ULK4: variants seen among roughly 807,000 people sequenced by gnomAD.
ULK4 encodes the protein inactive serine/threonine-protein kinase ULK4.
A neutral mutation model predicts 160.6 loss-of-function variants in ULK4; 133 were observed. The ratio of observed to expected loss-of-function variants is 0.83; its 90% CI spans 0.72 to 0.96. The LOEUF (loss-of-function observed/expected upper bound fraction) is 0.96, where lower values mean the gene tolerates loss of function less well. Ranked by LOEUF, ULK4 falls within the 40% of genes least tolerant of loss-of-function variation. The pLI is 0.00. For synonymous variants in ULK4, 534 were observed against 539.8 expected (o/e 0.99, Z 0.15); for missense variants, 1,580 against 1,499.5 (o/e 1.05, Z -0.89).
rs190300032 is a variant in ULK4 at position 41,389,562 on chromosome 3, C to T, written c.3678+8517G>A. 5.9e-5 allele frequency among the ~76,000 whole-genome samples: 9 copies of T among 152,170 alleles called. No individual in the cohort carries two copies. The East Asian group carries it at 1.4e-3, about 23-fold the overall frequency. On this transcript the variant is annotated intron_variant, in intron 35 of 36. Coordinates refer to ENST00000301831, the MANE Select transcript of ULK4 (RefSeq NM_017886.4). Reference sequence around the variant, plus strand: ...ATATGTCCCATCAATACCTAATTTACTGAGAGTTATTAGCATGAAGGGTTG... The same window carrying T: ...ATATGTCCCATCAATACCTAATTTATTGAGAGTTATTAGCATGAAGGGTTG...
intron 30 of ULK4, among the ~76,000 whole-genome samples, chr3:41,656,644 G>C (rs1297569164): frequency 6.6e-6 from 1 of 152,150 alleles, no homozygotes. Flanking sequence ...ACAGGTGACT[G>C]TATGGCCAGA....
At chr3:41,438,639 T>C (rs1392832872) in intron 34 of ULK4, among the ~76,000 whole-genome samples, 2 of 151,706 alleles carry the variant, frequency 1.3e-5, no homozygotes, top group Non-Finnish European at 2.9e-5. Context: ...CAAGACCTCA[T>C]CTCTACAAAA....
chr3:41,571,074 C>T (rs1025366589), intron 31 of ULK4, among the ~76,000 whole-genome samples: 1 of 152,200 alleles, frequency 6.6e-6, no homozygotes, highest in Non-Finnish European at 1.5e-5. Context: ...ACACTGTTTT[C>T]TTTATTGTCT....
At chr3:41,808,769 A>AT (rs1292980630) in intron 19 of ULK4, among the ~76,000 whole-genome samples, 4 of 151,966 alleles carry the variant, frequency 2.6e-5, no homozygotes, top group South Asian at 2.1e-4. Flanking sequence ...CTTGCCTCTC[A>AT]TTTTTTTTGT....
chr3:41,418,346 G>T (rs193066192), intron 34 of ULK4, among the ~76,000 whole-genome samples: 1 of 146,296 alleles, frequency 6.8e-6, no homozygotes, highest in Non-Finnish European at 1.5e-5. Context: ...ATTTGGCGGG[G>T]GGGGGGGCAC....
chr3:41,513,211 G>C (rs765559786), intron 32 of ULK4, among the ~76,000 whole-genome samples: 1 of 152,102 alleles, frequency 6.6e-6, no homozygotes, highest in Non-Finnish European at 1.5e-5. Context: ...GATAACACCA[G>C]AAAAAACCCT....
Position 41,935,818 on chromosome 3 carries a change from C to A in ULK4, c.361G>T (p.Asp121Tyr), listed in dbSNP as rs778563812. 3.1e-6 allele frequency: 5 copies of A among 1,610,716 alleles called. No individual in the cohort carries two copies. The highest frequency in any genetic ancestry group is 4.2e-6 in the Non-Finnish European group (5 of 1,178,870). ...TGAATTACCTTCCTAGGAGAAATGT[C>A]ACAAAAGAGAATGCCAAGTTTATGA... The part of the protein sequence containing the change: ...HLHKLGILFC[D>Y]ISPRKILLEG... Residue 121 changes from aspartate (D) to tyrosine (Y), a missense_variant, in exon 4 of 37, where the codon GAC becomes TAC. Physicochemically the swap from Asp to Tyr is radical, Grantham distance 160. Coordinates refer to ENST00000301831, the MANE Select transcript of ULK4 (RefSeq NM_017886.4).
chr3:41,547,380 T>A (rs2086899292), intron 32 of ULK4, among the ~76,000 whole-genome samples: 1 of 152,046 alleles, frequency 6.6e-6, no homozygotes, highest in African/African-American at 2.4e-5. Flanking sequence ...ACAGGGAACA[T>A]CTGAGGCACA....
chr3:41,657,454 A>G (rs1436600867), intron 30 of ULK4, among the ~76,000 whole-genome samples: 2 of 152,160 alleles, frequency 1.3e-5, no homozygotes, highest in South Asian at 2.1e-4. Flanking sequence ...CAAATGGTTC[A>G]TGGTTATTTT....
intron 35 of ULK4, among the ~76,000 whole-genome samples, chr3:41,371,180 G>A (rs2081358444): frequency 6.6e-6 from 1 of 152,172 alleles, no homozygotes; most frequent in African/African-American, 2.4e-5. Context: ...ATCTCCCTAG[G>A]ACAGAGCAAC....
At chr3:41,748,413 G>C (rs987077755) in intron 22 of ULK4, among the ~76,000 whole-genome samples, 4 of 151,796 alleles carry the variant, frequency 2.6e-5, no homozygotes, top group Non-Finnish European at 5.9e-5. Flanking sequence ...ATGGGATTTT[G>C]GTCAGTAAAA....
chr3:41,901,045 ACT>A (rs1410535848), intron 12 of ULK4, among the ~76,000 whole-genome samples: 1 of 151,972 alleles, frequency 6.6e-6, no homozygotes, highest in African/African-American at 2.4e-5. Context: ...AAAATATAAA[ACT>A]CTGAGAAAGT....
Position 41,947,123 on chromosome 3 carries a change from C to T in ULK4, c.138+7499G>A, listed in dbSNP as rs539584151. ...CGGGAGGATCACAAGGTCGGGAGAT[C>T]GAGACCATCCTGGCTAAAACGGTGA... On this transcript the variant is annotated intron_variant, in intron 2 of 36. Coordinates refer to ENST00000301831, the MANE Select transcript of ULK4 (RefSeq NM_017886.4). 1.4e-3 allele frequency among the ~76,000 whole-genome samples: 212 copies of T among 152,190 alleles called. 1 individual carries two copies. The highest frequency in any genetic ancestry group is 2.4e-3 in the Admixed American group (37 of 15,288).
chr3:41,821,038 T>A (rs1000788064), intron 18 of ULK4, among the ~76,000 whole-genome samples: 13 of 152,192 alleles, frequency 8.5e-5, no homozygotes, highest in Admixed American at 3.9e-4. Flanking sequence ...ACCCTTAACA[T>A]CAGTGGACTC....
chr3:41,320,324 G>A (rs1395114348), intron 35 of ULK4, among the ~76,000 whole-genome samples: 1 of 152,174 alleles, frequency 6.6e-6, no homozygotes, highest in Non-Finnish European at 1.5e-5. Flanking sequence ...GCTCTGTAAC[G>A]CAGGGATGCC....
intron 27 of ULK4, among the ~76,000 whole-genome samples, chr3:41,686,815 G>A (rs1418078052): frequency 6.6e-6 from 1 of 151,936 alleles, no homozygotes; most frequent in African/African-American, 2.4e-5. Flanking sequence ...TGACTACCTG[G>A]GCCCAGCATC....
At chr3:41,729,852 G>A (rs189390763) in intron 22 of ULK4, among the ~76,000 whole-genome samples, 85 of 152,224 alleles carry the variant, frequency 5.6e-4, no homozygotes, top group African/African-American at 1.8e-3. Flanking sequence ...CTGAAACAAC[G>A]GCACAAAGTC....
At chr3:41,957,398 T>C (rs568335153) in intron 1 of ULK4, among the ~76,000 whole-genome samples, 1 of 133,800 alleles carries the variant, frequency 7.5e-6, no homozygotes, top group Admixed American at 9.8e-5. Flanking sequence ...GAGGTTGCAG[T>C]GAGCTAAGAT....
intron 35 of ULK4, among the ~76,000 whole-genome samples, chr3:41,346,965 T>A (rs997406691): frequency 6.6e-6 from 1 of 152,142 alleles, no homozygotes; most frequent in Non-Finnish European, 1.5e-5. Context: ...TTAAAAATAA[T>A]CTACAATACA....
Sources: gnomAD v4.1 joint callset for allele counts (sites outside exome capture counted in the v4.1 genomes callset) on GRCh38, gnomAD v4.1.1 for gene constraint, MANE v1.5 for transcripts, NCBI Gene and HGNC (gene_info 2026-07-23, HGNC 2026-07-21) for gene names.